Variants in FMN2 observed in about 807,000 individuals in gnomAD.
The protein encoded by FMN2 is formin 2, also known as formin-2.
A neutral mutation model predicts 142.3 loss-of-function variants in FMN2; 51 were observed. The ratio of observed to expected loss-of-function variants is 0.36; its 90% CI spans 0.29 to 0.45. The LOEUF is 0.45. FMN2 is among the 20% of genes least tolerant of loss of function. The pLI is 1.00. For missense variants in FMN2, 1,936 were observed against 2,122.8 expected, an observed-to-expected ratio of 0.91 and a Z score of 1.73; for synonymous variants, 882 against 869.8, an observed-to-expected ratio of 1.01 and a Z score of -0.25.
intron 7 of FMN2, among the ~76,000 whole-genome samples, chr1:240,277,531 T>C (rs1456387036): frequency 3.6e-5 from 4 of 112,418 alleles, no homozygotes; most frequent in Non-Finnish European, 5.5e-5. Flanking sequence ...TCTTCTTTTT[T>C]TTTTTTTTTT....
intron 16 of FMN2, among the ~76,000 whole-genome samples, chr1:240,462,803 G>C (rs924716846): frequency 1.3e-5 from 2 of 152,010 alleles, no homozygotes; most frequent in African/African-American, 2.4e-5. Flanking sequence ...GTGAAAATCT[G>C]GGGGGGAAAG....
intron 7 of FMN2, among the ~76,000 whole-genome samples, chr1:240,273,893 C>T (rs1321193393): frequency 6.6e-6 from 1 of 151,998 alleles, no homozygotes; most frequent in East Asian, 1.9e-4. Flanking sequence ...CTATGATTGC[C>T]TTAGTGAAGT....
intron 2 of FMN2, among the ~76,000 whole-genome samples, chr1:240,177,229 C>T (rs1239668781): frequency 6.6e-6 from 1 of 152,184 alleles, no homozygotes; most frequent in East Asian, 1.9e-4. Context: ...GGCCATGGAG[C>T]AGGCTTCCCT....
chr1:240,208,869 T>C, intron 5 of FMN2, 137 bp downstream of exon 5: 2 of 1,124,530 alleles, frequency 1.8e-6, no homozygotes, highest in Middle Eastern at 2.1e-4. Flanking sequence ...TACATCAATA[T>C]ATAGTGCAGC....
chr1:240,248,971 T>A (rs547476937), intron 6 of FMN2, among the ~76,000 whole-genome samples: 8 of 152,116 alleles, frequency 5.3e-5, no homozygotes, highest in Admixed American at 1.3e-4. Context: ...ACTGTTGAGT[T>A]GTTTGAGTTC....
chr1:240,325,486 AACAC>A (rs2103007401), intron 8 of FMN2, among the ~76,000 whole-genome samples: 1 of 152,308 alleles, frequency 6.6e-6, no homozygotes, highest in South Asian at 2.1e-4. Context: ...TATGCATACA[AACAC>A]ACACATACAG....
At chr1:240,234,466 C>T (rs1049474975) in intron 6 of FMN2, among the ~76,000 whole-genome samples, 1 of 152,204 alleles carries the variant, frequency 6.6e-6, no homozygotes, top group African/African-American at 2.4e-5. Context: ...TGCACCTGAG[C>T]ATTGTATGTG....
chr1:240,295,414 T>A (rs955110665), intron 8 of FMN2, among the ~76,000 whole-genome samples: 7 of 152,172 alleles, frequency 4.6e-5, no homozygotes, highest in South Asian at 4.1e-4. Flanking sequence ...TAACTGAAAG[T>A]TTGTACCTTT....
At chr1:240,340,410 A>G (rs1461864514) in intron 13 of FMN2, among the ~76,000 whole-genome samples, 2 of 151,982 alleles carry the variant, frequency 1.3e-5, no homozygotes, top group African/African-American at 2.4e-5. Context: ...GTGAAACCCC[A>G]TCTCTACTAA....
intron 13 of FMN2, among the ~76,000 whole-genome samples, chr1:240,346,984 A>C (rs1401420180): frequency 6.6e-6 from 1 of 152,226 alleles, no homozygotes; most frequent in East Asian, 1.9e-4. Context: ...TCAACAATTC[A>C]AACAGATATT....
chr1:240,096,032 C>A (rs1009269762), intron 1 of FMN2, among the ~76,000 whole-genome samples: 3 of 151,976 alleles, frequency 2.0e-5, no homozygotes, highest in African/African-American at 7.3e-5. Flanking sequence ...CAGCATTGTT[C>A]AGGAAAAGAG....
At chr1:240,415,940 C>T (rs1674562839) in intron 15 of FMN2, among the ~76,000 whole-genome samples, 1 of 152,176 alleles carries the variant, frequency 6.6e-6, no homozygotes, top group Non-Finnish European at 1.5e-5. Context: ...CACAGCTTCT[C>T]CAGCCTCCTT....
At chr1:240,214,143 A>T (rs1666796354) in intron 6 of FMN2, among the ~76,000 whole-genome samples, 1 of 152,240 alleles carries the variant, frequency 6.6e-6, no homozygotes, top group Non-Finnish European at 1.5e-5. Flanking sequence ...GGTACATAGA[A>T]GTTTATCAGA....
chr1:240,109,023 G>A (rs960448207), intron 1 of FMN2, among the ~76,000 whole-genome samples: 13 of 152,078 alleles, frequency 8.5e-5, no homozygotes, highest in South Asian at 2.1e-4. Context: ...GCAACAGAGC[G>A]AGACTCTGTC....
chr1:240,209,829 G>A (rs929549648), intron 5 of FMN2, among the ~76,000 whole-genome samples: 11 of 151,712 alleles, frequency 7.3e-5, no homozygotes, highest in Admixed American at 2.0e-4. Flanking sequence ...GCATGAACCC[G>A]GGAGGCGGAG....
intron 2 of FMN2, chr1:240,144,983 A>G (rs1254504512): frequency 3.1e-6 from 4 of 1,281,892 alleles, no homozygotes; most frequent in African/African-American, 1.4e-5. Flanking sequence ...ACTCATGGTC[A>G]TGGCCAAAAC....
chr1:240,312,171 A>G (rs1670622642), intron 8 of FMN2, among the ~76,000 whole-genome samples: 1 of 152,044 alleles, frequency 6.6e-6, no homozygotes, highest in South Asian at 2.1e-4. Context: ...TGGTCCGTCC[A>G]CTTTACCATC....
chr1:240,388,411 T>C (rs1418899759), intron 14 of FMN2, among the ~76,000 whole-genome samples: 1 of 152,088 alleles, frequency 6.6e-6, no homozygotes, highest in African/African-American at 2.4e-5. Context: ...CTAAAGCTCA[T>C]GTTCTAGCTC....
At chr1:240,313,608 G>T (rs2102990338) in intron 8 of FMN2, among the ~76,000 whole-genome samples, 1 of 152,010 alleles carries the variant, frequency 6.6e-6, no homozygotes, top group East Asian at 1.9e-4. Context: ...TTTATTCCTG[G>T]ACAGCTCTGT....
Sources: gnomAD v4.1 joint callset for allele counts (sites outside exome capture counted in the v4.1 genomes callset) on GRCh38, gnomAD v4.1.1 for gene constraint, MANE v1.5 for transcripts, NCBI Gene and HGNC (gene_info 2026-07-23, HGNC 2026-07-21) for gene names.